C1QL2: variants seen among roughly 807,000 people sequenced by gnomAD.
C1QL2 encodes complement C1q like 2, also known as complement C1q-like protein 2.
C1QL2 carries 13 observed loss-of-function variants against 16.6 expected under a neutral mutation model. The observed-to-expected ratio is 0.78, with a 90% CI of 0.51 to 1.25. The LOEUF is 1.25. Among genes scored for constraint, C1QL2 ranks in the 50% most tolerant of loss-of-function variants. The pLI is 0.00. For missense variants in C1QL2, 396 were observed against 409.6 expected, an observed-to-expected ratio of 0.97 and a Z score of 0.29; for synonymous variants, 210 against 183.2, an observed-to-expected ratio of 1.15 and a Z score of -1.18.
rs1677989276 is a variant in C1QL2, at chr2:119,157,893, G to A, written c.377C>T (p.Ala126Val). 4.5e-6 allele frequency: 7 copies of A among 1,566,188 alleles called. No homozygotes were observed. The highest frequency in any genetic ancestry group is 5.2e-6 in the Non-Finnish European group (6 of 1,156,344). ...GCCGCCCACCACCCCGACGCCGCTG[G>A]CCGTGCCCGCCGTCAGTTGCAGCCC... ...LPGLQLTAGT[A>V]SGVGVVGGGA... Residue 126 changes from alanine to valine, a missense_variant, in exon 1 of 2, where the codon GCC (alanine) becomes GTC (valine). Coordinates refer to ENST00000272520, the MANE Select transcript of C1QL2 (RefSeq NM_182528.4).
chr2:119,157,461 G>A, intron 1 of C1QL2, 125 bp downstream of exon 1: 7 of 1,188,892 alleles, frequency 5.9e-6, no homozygotes, highest in Non-Finnish European at 8.3e-6. Flanking sequence ...CTGTGGCACC[G>A]AGGCGCGTTC....
intron 1 of C1QL2, 26 bp downstream of exon 1, chr2:119,157,560 G>C (rs1677982940): frequency 1.9e-6 from 3 of 1,611,988 alleles, no homozygotes; most frequent in Admixed American, 1.7e-5. Context: ...GGTTTACGGG[G>C]GCCGGTGAGT....
At position 119,157,959 on chromosome 2, in the gene C1QL2, G is replaced by A; in HGVS notation, c.311C>T (p.Pro104Leu). 1 of 1,533,198 alleles carries A rather than the reference G, an allele frequency of 6.5e-7. No individual in the cohort carries two copies. Among genetic ancestry groups the A allele is most frequent in the Non-Finnish European group, 8.8e-7 (1 of 1,138,874 alleles). 95.0% of individuals were successfully genotyped at this position (1,533,198 alleles called of 1,614,324 possible). The change falls in exon 1 of 2, where the codon CCT (proline) becomes CTT (leucine). Residue 104 changes from proline to leucine, a missense_variant. Physicochemically the swap from Pro to Leu is moderately conservative, Grantham distance 98 (BLOSUM62 -3). This residue lies in a region of C1QL2 where 353 missense variants were observed against 334.8 expected (regional missense o/e 1.05). Transcript: ENST00000272520. ...CCCCGAGTCGCCCTTCTCTCCCGGA[G>A]GGCCCCTGGGTCCAGGCGGGCCCGG... is the stretch of plus-strand genomic sequence containing the variant. ...GEPGPPGPRG[P>L]PGEKGDSGRP...
rs1290821107 is a variant in C1QL2 at position 119,157,771 on chromosome 2, T to C, written c.499A>G (p.Ser167Gly). The change falls in exon 1 of 2, where the codon AGC (serine) becomes GGC (glycine). Residue 167 changes from serine to glycine, a missense_variant. Transcript: ENST00000272520. ...PKIAFYVGLK[S>G]PHEGYEVLKF... ...AGCACCTCATAGCCTTCGTGGGGGC[T>C]CTTGAGACCCACATAGAAGGCGATC... 6.2e-7 allele frequency: 1 copy of C among 1,612,606 alleles called. No individual in the cohort carries two copies. Among genetic ancestry groups the C allele is most frequent in the East Asian group, 2.2e-5 (1 of 44,818 alleles).
Position 119,156,808 on chromosome 2 carries a change from C to G in C1QL2, c.858G>C (p.Pro286=), listed in dbSNP as rs1257850862. The G allele has an allele frequency of 6.2e-7, 1 of 1,613,414 alleles. No homozygotes were observed. The highest frequency in any genetic ancestry group is 1.1e-5 in the South Asian group (1 of 91,004). Reference sequence around the variant, plus strand: ...CCTCGCACCCCCCGCGCCCCTAATCCGGGTACAGAAGAAAGCCCGAGAACG... The same window carrying G: ...CCTCGCACCCCCCGCGCCCCTAATCGGGGTACAGAAGAAAGCCCGAGAACG... ...YSTFSGFLLY[P]D is the part of the protein sequence containing the mutation. The change falls in exon 2 of 2, where the codon CCG becomes CCC. Residue 286 remains proline, a synonymous_variant. Coordinates refer to ENST00000272520, the MANE Select transcript of C1QL2 (RefSeq NM_182528.4).
chr2:119,157,700 G>A lies in C1QL2; in HGVS notation c.570C>T (p.Pro190=), dbSNP rs1355245318. 2 of 1,613,984 alleles carry A rather than the reference G, an allele frequency of 1.2e-6. No homozygotes were observed. Among genetic ancestry groups the A allele is most frequent in the Non-Finnish European group, 1.7e-6 (2 of 1,179,942 alleles). The change falls in exon 1 of 2, where the codon CCC becomes CCT. Residue 190 remains proline, a synonymous_variant. Transcript: ENST00000272520. ...CCTGGCAGCTGAACTTGCCCGTGGTGGGGTCATAGTGATTGCCGAGGTTGG... is the reference window on the plus strand; with the variant it reads ...CCTGGCAGCTGAACTTGCCCGTGGTAGGGTCATAGTGATTGCCGAGGTTGG... ...VVTNLGNHYD[P]TTGKFSCQVR...
Position 119,158,293 on chromosome 2 carries a change from C to A in C1QL2, c.-24G>T. 1 of 1,376,428 alleles carries A rather than the reference C, an allele frequency of 7.3e-7. No individual in the cohort carries two copies. Among genetic ancestry groups the A allele is most frequent in the Non-Finnish European group, 9.3e-7 (1 of 1,072,900 alleles). The allele number at this position is 1,376,428 out of a possible 1,614,324, so 85.3% of individuals were successfully genotyped here. ...ATGGCCAAGAGTACGCCGACGGCCGCCAGGCAGGCACGCCGCCGCCGCTGC... is the reference window on the plus strand; with the variant it reads ...ATGGCCAAGAGTACGCCGACGGCCGACAGGCAGGCACGCCGCCGCCGCTGC... On this transcript the variant is annotated 5_prime_UTR_variant, in exon 1 of 2. Coordinates refer to ENST00000272520, the MANE Select transcript of C1QL2 (RefSeq NM_182528.4).
In C1QL2 at chr2:119,156,355, G is replaced by A. The variant is rs1677960692; in HGVS notation, c.*447C>T. On this transcript the variant is annotated 3_prime_UTR_variant, in exon 2 of 2. Transcript: ENST00000272520. ...GAATTCTGCTGTGGGTGGGGTTTTG[G>A]CTGATGGACAGGGAAATCTGCACAA... 1.9e-5 allele frequency: 3 copies of A among 156,934 alleles called. No homozygotes were observed. The South Asian group carries it at 6.0e-4, about 31-fold the overall frequency. The allele number at this position is 156,934 out of a possible 1,614,324, so 9.7% of individuals were successfully genotyped here. A position where few individuals can be genotyped will look rare whatever the true frequency, so the allele number is the denominator to read the frequency against.
In C1QL2 at chr2:119,158,124, G is replaced by T. The variant is rs1300593596; in HGVS notation, c.146C>A (p.Ala49Glu). The T allele has an allele frequency of 6.5e-7, 1 of 1,545,886 alleles. No homozygotes were observed. Among genetic ancestry groups the T allele is most frequent in the African/African-American group, 1.4e-5 (1 of 70,692 alleles). Residue 49 changes from alanine to glutamate, a missense_variant, in exon 1 of 2, where the codon GCG (alanine) becomes GAG (glutamate). Around this residue, in one of 2 missense-constraint regions of C1QL2, gnomAD observed 353 missense variants for 334.8 expected, o/e 1.05. Transcript: ENST00000272520. ...GGCGGTGCTGGGTCCGGGTGGCTGC[G>T]CCTTTGCACCCGGGGGCTCCCCGCC... ...APGGEPPGAKAQPPGPSTAAL... is the reference protein window; with the variant it reads ...APGGEPPGAKEQPPGPSTAAL...
chr2:119,156,782 G>A lies in C1QL2; in HGVS notation c.*20C>T. 1.9e-6 allele frequency: 3 copies of A among 1,606,938 alleles called. No individual in the cohort carries two copies. The highest frequency in any genetic ancestry group is 2.6e-6 in the Non-Finnish European group (3 of 1,175,836). On this transcript the variant is annotated 3_prime_UTR_variant, in exon 2 of 2. Transcript: ENST00000272520. The stretch of plus-strand genomic sequence containing the variant: ...AGACCGGGCGGCCTGCAGCCACCCC[G>A]CCTCGCACCCCCCGCGCCCCTAATC...
chr2:119,157,230 A>AGCCAGGG, intron 1 of C1QL2, among the ~76,000 whole-genome samples: 1 of 152,144 alleles, frequency 6.6e-6, no homozygotes, highest in Non-Finnish European at 1.5e-5. Context: ...GAAGGGTGGG[A>AGCCAGGG]GCCAGGGGCC....
rs1056751085 is a variant in C1QL2, at chr2:119,156,764, G to A, written c.*38C>T. 1.9e-6 allele frequency: 3 copies of A among 1,595,544 alleles called. No homozygotes were observed. Among genetic ancestry groups the A allele is most frequent in the African/African-American group, 1.3e-5 (1 of 74,174 alleles). ...GGAGCCGCGCCCGGGCGGAGACCGG[G>A]CGGCCTGCAGCCACCCCGCCTCGCA... On this transcript the variant is annotated 3_prime_UTR_variant, in exon 2 of 2. Coordinates refer to ENST00000272520, the MANE Select transcript of C1QL2 (RefSeq NM_182528.4).
chr2:119,156,989 C>A lies in C1QL2; in HGVS notation c.685-8G>T. On this transcript the variant is annotated splice_polypyrimidine_tract_variant and splice_region_variant and intron_variant, in intron 1 of 1. Coordinates refer to ENST00000272520, the MANE Select transcript of C1QL2 (RefSeq NM_182528.4). Reference sequence around the variant, plus strand: ...AATGGCGCTGGCCCGGACCTGGGGACAAGCGGTGGGAGCAGGTGAGCCGGG... The same window carrying A: ...AATGGCGCTGGCCCGGACCTGGGGAAAAGCGGTGGGAGCAGGTGAGCCGGG... 1 of 1,613,236 alleles carries A rather than the reference C, an allele frequency of 6.2e-7. No homozygotes were observed. Among genetic ancestry groups the A allele is most frequent in the South Asian group, 1.1e-5 (1 of 91,000 alleles).
Position 119,157,699 on chromosome 2 carries a change from T to C in C1QL2, c.571A>G (p.Thr191Ala). Residue 191 changes from threonine (T) to alanine (A), a missense_variant, in exon 1 of 2, where the codon ACC (threonine) becomes GCC (alanine). Around this residue, in one of 2 missense-constraint regions of C1QL2, gnomAD observed 353 missense variants for 334.8 expected, o/e 1.05. Transcript: ENST00000272520. Reference protein sequence around the residue: ...VTNLGNHYDPTTGKFSCQVRG... With the variant: ...VTNLGNHYDPATGKFSCQVRG... Reference sequence around the variant, plus strand: ...ACCTGGCAGCTGAACTTGCCCGTGGTGGGGTCATAGTGATTGCCGAGGTTG... The same window carrying C: ...ACCTGGCAGCTGAACTTGCCCGTGGCGGGGTCATAGTGATTGCCGAGGTTG... The C allele has an allele frequency of 6.2e-7, 1 of 1,614,136 alleles. No homozygotes were observed.
In C1QL2 at chr2:119,157,028, C is replaced by A. The variant is rs117377562; in HGVS notation, c.685-47G>T. ...AGGTGAGCCGGGGCACCTCTTCCCG[C>A]GCCTTTGCTCAGCCCACACCAGGCG... On this transcript the variant is annotated intron_variant, in intron 1 of 1. Transcript: ENST00000272520. The A allele has an allele frequency of 1.1e-5, 18 of 1,599,756 alleles. No homozygotes were observed. In the East Asian group the frequency reaches 3.6e-4, roughly 32 times the overall value.
chr2:119,156,832 C>T lies in C1QL2; in HGVS notation c.834G>A (p.Thr278=). The change falls in exon 2 of 2, where the codon ACG becomes ACA. Residue 278 remains threonine (T), a synonymous_variant. Transcript: ENST00000272520. ...AHGGNNNKYS[T]FSGFLLYPD ...CCGGGTACAGAAGAAAGCCCGAGAA[C>T]GTGCTGTACTTGTTATTATTGCCTC... is the stretch of plus-strand genomic sequence containing the variant. 3.1e-6 allele frequency: 5 copies of T among 1,613,978 alleles called. No individual in the cohort carries two copies. The highest frequency in any genetic ancestry group is 1.1e-5 in the South Asian group (1 of 91,068).
rs1167044621 is a variant in C1QL2 at position 119,158,361 on chromosome 2, G to C, written c.-92C>G. 2.6e-6 allele frequency: 3 copies of C among 1,151,562 alleles called. No homozygotes were observed. The highest frequency in any genetic ancestry group is 3.2e-5 in the African/African-American group (2 of 61,622). 71.3% of individuals were successfully genotyped at this position (1,151,562 alleles called of 1,614,324 possible). ...CGCCACCAGCTCCTCCTTGCCGCCCGGGGAGGTAATGGTGGGGCGGCGCGG... is the reference window on the plus strand; with the variant it reads ...CGCCACCAGCTCCTCCTTGCCGCCCCGGGAGGTAATGGTGGGGCGGCGCGG... On this transcript the variant is annotated 5_prime_UTR_variant, in exon 1 of 2. Transcript: ENST00000272520.
Position 119,156,700 on chromosome 2 carries a change from T to C in C1QL2, c.*102A>G. 3 of 1,305,150 alleles carry C rather than the reference T, an allele frequency of 2.3e-6. No homozygotes were observed. Among genetic ancestry groups the C allele is most frequent in the South Asian group, 1.4e-5 (1 of 69,894 alleles). The allele number at this position is 1,305,150 out of a possible 1,614,324, so 80.8% of individuals were successfully genotyped here. On this transcript the variant is annotated 3_prime_UTR_variant, in exon 2 of 2. Transcript: ENST00000272520. ...AGGGATTTGTCTTTTCCAAAGGAGA[T>C]GTCAGGAAGTGTTATGAATCGAGAG...
In C1QL2 at chr2:119,158,154, G is replaced by A. The variant is rs1401715351; in HGVS notation, c.116C>T (p.Ala39Val). ...TGCACCCGGGGGCTCCCCGCCGGGC[G>A]CGGCAGTGTAAGGGTCGCAGATCAT... is the stretch of plus-strand genomic sequence containing the variant. ...CRMICDPYTA[A>V]PGGEPPGAKA... Residue 39 changes from alanine (A) to valine (V), a missense_variant, in exon 1 of 2, where the codon GCG becomes GTG. Around this residue, in one of 2 missense-constraint regions of C1QL2, gnomAD observed 353 missense variants for 334.8 expected, o/e 1.05. Coordinates refer to ENST00000272520, the MANE Select transcript of C1QL2 (RefSeq NM_182528.4). 1.3e-6 allele frequency: 2 copies of A among 1,570,304 alleles called. No homozygotes were observed. The highest frequency in any genetic ancestry group is 1.7e-6 in the Non-Finnish European group (2 of 1,161,258).
Sources: allele counts gnomAD v4.1 joint callset (sites outside exome capture counted in the v4.1 genomes callset), GRCh38; gene constraint gnomAD v4.1.1; regional missense constraint gnomAD v4.1.1; transcripts MANE v1.5; gene names NCBI Gene and HGNC (gene_info 2026-07-23, HGNC 2026-07-21).